Variants in SLC41A3 observed in about 807,000 individuals in gnomAD.
SLC41A3 encodes solute carrier family 41 member 3.
In SLC41A3, 44 loss-of-function variants were observed where a neutral mutation model predicts 45.4. The ratio of observed to expected loss-of-function variants is 0.97; its 90% CI spans 0.76 to 1.25. The LOEUF is 1.25. Among genes scored for constraint, SLC41A3 ranks in the 50% most tolerant of loss-of-function variants. The pLI is 0.00. For synonymous variants in SLC41A3, 256 were observed against 252.4 expected (o/e 1.01, Z -0.13); for missense variants, 550 against 600.6 (o/e 0.92, Z 0.88).
At chr3:126,042,570 A>G (rs1169107095) in intron 3 of SLC41A3, among the ~76,000 whole-genome samples, 1 of 152,214 alleles carries the variant, frequency 6.6e-6, no homozygotes, top group East Asian at 1.9e-4. Flanking sequence ...CACTGACCCT[A>G]AAGAAAGTCT....
intron 4 of SLC41A3, among the ~76,000 whole-genome samples, chr3:126,028,746 C>G (rs1941567882): frequency 1.3e-5 from 2 of 152,360 alleles, no homozygotes; most frequent in African/African-American, 4.8e-5. Context: ...CCCATGAGAG[C>G]AGCAGACAGG....
intron 2 of SLC41A3, among the ~76,000 whole-genome samples, chr3:126,061,922 G>C (rs2107982647): frequency 6.6e-6 from 1 of 152,298 alleles, no homozygotes; most frequent in East Asian, 1.9e-4. Flanking sequence ...ACTGTTAACT[G>C]ACTACAGGCT....
At chr3:126,052,946 C>A (rs886701507) in intron 2 of SLC41A3, among the ~76,000 whole-genome samples, 2 of 152,222 alleles carry the variant, frequency 1.3e-5, no homozygotes, top group Non-Finnish European at 2.9e-5. Flanking sequence ...CAGCAGGAAG[C>A]CTGGGCGGAA....
chr3:126,013,197 A>AAAATG (rs1440308840), intron 8 of SLC41A3, among the ~76,000 whole-genome samples: 2 of 152,162 alleles, frequency 1.3e-5, no homozygotes, highest in Non-Finnish European at 2.9e-5. Flanking sequence ...AATATCTGAG[A>AAAATG]AAATGAAAGT....
Position 126,007,007 on chromosome 3 carries a change from G to A in SLC41A3, c.*9C>T, listed in dbSNP as rs1939170120. On this transcript the variant is annotated 3_prime_UTR_variant, in exon 11 of 11. Coordinates refer to ENST00000360370, the MANE Select transcript of SLC41A3 (RefSeq NM_017836.4). Reference sequence around the variant, plus strand: ...ATTCTAATGAGCAAATGGGACCAGCGGGGCCCAGTTAGGGAGGTCCAGATG... The same window carrying A: ...ATTCTAATGAGCAAATGGGACCAGCAGGGCCCAGTTAGGGAGGTCCAGATG... 2.5e-6 allele frequency: 4 copies of A among 1,614,058 alleles called. No homozygotes were observed. Among genetic ancestry groups the A allele is most frequent in the Non-Finnish European group, 3.4e-6 (4 of 1,179,954 alleles).
chr3:126,095,348 G>C, intron 1 of SLC41A3: 1 of 557,784 alleles, frequency 1.8e-6, no homozygotes, highest in Admixed American at 3.2e-5. Flanking sequence ...AGCAACACCT[G>C]TTGAACACAA....
At chr3:126,074,611 G>A (rs1028968175) in intron 1 of SLC41A3, among the ~76,000 whole-genome samples, 4 of 151,958 alleles carry the variant, frequency 2.6e-5, no homozygotes, top group Admixed American at 6.6e-5. Context: ...ACTGGAGGAC[G>A]CAGGTCAATA....
intron 2 of SLC41A3, chr3:126,056,322 C>A: frequency 6.2e-7 from 1 of 1,601,604 alleles, no homozygotes; most frequent in South Asian, 1.1e-5. Context: ...GTCTGTGTGT[C>A]TCCCACCCCT....
intron 2 of SLC41A3, among the ~76,000 whole-genome samples, chr3:126,066,566 T>G (rs1458689364): frequency 6.6e-6 from 1 of 152,118 alleles, no homozygotes; most frequent in Non-Finnish European, 1.5e-5. Flanking sequence ...TGTTGATGAG[T>G]GTTGGGAACA....
intron 1 of SLC41A3, chr3:126,092,816 TGAG>T (rs1945516593): frequency 6.6e-6 from 1 of 152,154 alleles, no homozygotes; most frequent in Admixed American, 6.5e-5. Flanking sequence ...ACACTGATGA[TGAG>T]GAAGAAGGAG....
At position 126,016,859 on chromosome 3, in the gene SLC41A3, C is replaced by T. The variant is rs2270985; in HGVS notation, c.762G>A (p.Thr254=). The T allele has an allele frequency of 2.5e-5, 41 of 1,612,344 alleles. No individual in the cohort carries two copies. The highest frequency in any genetic ancestry group is 1.8e-4 in the East Asian group (8 of 44,854). ...FYRHKDSRYL[T]PLVCLSFAAL... The stretch of plus-strand genomic sequence containing the variant: ...CCGCAAAGCTGAGGCAGACCAGCGG[C>T]GTCAGATACCGACTATCTGAAAGGA... Residue 254 remains threonine, a synonymous_variant, in exon 7 of 11, where the codon ACG becomes ACA. Transcript: ENST00000360370.
At chr3:126,020,147 G>C (rs1040088967) in intron 6 of SLC41A3, among the ~76,000 whole-genome samples, 2 of 152,152 alleles carry the variant, frequency 1.3e-5, no homozygotes, top group Non-Finnish European at 2.9e-5. Context: ...GGCAGCATGA[G>C]CTGCACCCGA....
chr3:126,068,901 G>C (rs1031573811), intron 1 of SLC41A3, among the ~76,000 whole-genome samples: 2 of 152,102 alleles, frequency 1.3e-5, no homozygotes, highest in African/African-American at 4.8e-5. Context: ...GAGTTCACCT[G>C]GTGCAAAACC....
At chr3:126,086,411 T>G (rs7432293), upstream of SLC41A3, among the ~76,000 whole-genome samples, 4 of 133,626 alleles carry the variant, frequency 3.0e-5, no homozygotes, top group African/African-American at 1.1e-4. Context: ...TTTTCTTGTT[T>G]TTTTTTTTTT....
At chr3:126,094,565 T>C (rs1372373710) in intron 1 of SLC41A3, among the ~76,000 whole-genome samples, 1 of 152,250 alleles carries the variant, frequency 6.6e-6, no homozygotes, top group African/African-American at 2.4e-5. Context: ...GCCAGGATTG[T>C]CTTCTCCTGC....
intron 9 of SLC41A3, among the ~76,000 whole-genome samples, chr3:126,010,439 T>G (rs1424081985): frequency 2.6e-5 from 4 of 152,168 alleles, no homozygotes; most frequent in Non-Finnish European, 5.9e-5. Context: ...GCCACTGCAC[T>G]CCAGCCTGGG....
chr3:126,015,287 C>T (rs1277592675), intron 8 of SLC41A3, among the ~76,000 whole-genome samples: 2 of 152,206 alleles, frequency 1.3e-5, no homozygotes, highest in East Asian at 3.8e-4. Flanking sequence ...CTGCTGCGAA[C>T]AGTGTGTGGG....
chr3:126,049,616 CAT>C (rs1410304206), intron 3 of SLC41A3, among the ~76,000 whole-genome samples: 8 of 152,192 alleles, frequency 5.3e-5, no homozygotes, highest in Non-Finnish European at 1.0e-4. Context: ...CATGTGTATA[CAT>C]GAGTTGTGTG....
At chr3:126,087,527 C>T (rs981586573), upstream of SLC41A3, among the ~76,000 whole-genome samples, 1 of 151,424 alleles carries the variant, frequency 6.6e-6, no homozygotes, top group Non-Finnish European at 1.5e-5. Context: ...TAATTCAAAG[C>T]TTATTTAAAG....
Sources: gnomAD v4.1 joint callset for allele counts (sites outside exome capture counted in the v4.1 genomes callset) on GRCh38, gnomAD v4.1.1 for gene constraint, MANE v1.5 for transcripts, NCBI Gene and HGNC (gene_info 2026-07-23, HGNC 2026-07-21) for gene names.